PDIA4: variants seen among roughly 807,000 people sequenced by gnomAD.
PDIA4 encodes protein disulfide isomerase family A member 4, also known as protein disulfide-isomerase A4.
PDIA4 carries 33 observed loss-of-function variants against 62.1 expected under a neutral mutation model. That is an observed-to-expected ratio of 0.53 (90% CI 0.40 to 0.71). The LOEUF (loss-of-function observed/expected upper bound fraction) is 0.71, where lower values mean the gene tolerates loss of function less well. Among genes scored for constraint, PDIA4 ranks in the 30% least tolerant of loss-of-function variants. PDIA4 has a pLI of 0.00. For missense variants in PDIA4, 804 were observed against 813.6 expected (o/e 0.99, Z 0.14); for synonymous variants, 341 against 324.1 (o/e 1.05, Z -0.56).
chr7:149,008,349 G>T, intron 6 of PDIA4, 39 bp from the exon 7 acceptor site: 1 of 1,587,996 alleles, frequency 6.3e-7, no homozygotes, highest in Non-Finnish European at 8.6e-7. Flanking sequence ...TTTGAAAATT[G>T]CCTAAATGTC....
At chr7:149,017,951 C>T (rs1283979181) in intron 3 of PDIA4, among the ~76,000 whole-genome samples, 4 of 152,108 alleles carry the variant, frequency 2.6e-5, no homozygotes, top group East Asian at 1.9e-4. Context: ...AATTATTGGG[C>T]GGGCGTGGTG....
chr7:149,012,081 G>A, intron 5 of PDIA4, 74 bp downstream of exon 5: 3 of 1,606,926 alleles, frequency 1.9e-6, no homozygotes, highest in Non-Finnish European at 2.6e-6. Flanking sequence ...CCAGCCCCCA[G>A]CACCTTCAAT....
intron 3 of PDIA4, among the ~76,000 whole-genome samples, chr7:149,015,247 T>A (rs144983274): frequency 6.6e-6 from 1 of 152,224 alleles, no homozygotes; most frequent in East Asian, 1.9e-4. Flanking sequence ...TCCCAACAAT[T>A]GTCCATCGCA....
chr7:149,011,903 T>G lies in PDIA4; in HGVS notation c.922A>C (p.Ile308Leu), dbSNP rs1823957564. The G allele has an allele frequency of 6.2e-7, 1 of 1,606,432 alleles. No homozygotes were observed. Among genetic ancestry groups the G allele is most frequent in the African/African-American group, 1.3e-5 (1 of 74,756 alleles). Reference sequence around the variant, plus strand: ...CTCTCCCCCTTAAAGACCCCGATGATGATGACATCGTCTCCATCCTTCAGG... The same window carrying G: ...CTCTCCCCCTTAAAGACCCCGATGAGGATGACATCGTCTCCATCCTTCAGG... Reference protein sequence around the residue: ...EFLKDGDDVIIIGVFKGESDP... With the variant: ...EFLKDGDDVILIGVFKGESDP... The change falls in exon 6 of 10, where the codon ATC (isoleucine) becomes CTC (leucine). Residue 308 changes from isoleucine to leucine, a missense_variant. By Grantham distance (5) the Ile-to-Leu change is conservative. Coordinates refer to ENST00000652332, the MANE Select transcript of PDIA4 (RefSeq NM_004911.5).
chr7:149,028,178 G>C, intron 1 of PDIA4, 143 bp downstream of exon 1: 1 of 629,882 alleles, frequency 1.6e-6, no homozygotes, highest in Non-Finnish European at 2.7e-6. Context: ...ACTCCGCCAA[G>C]TTTACCCCGG....
intron 1 of PDIA4, among the ~76,000 whole-genome samples, chr7:149,025,516 C>T (rs2129505939): frequency 6.6e-6 from 1 of 152,326 alleles, no homozygotes; most frequent in African/African-American, 2.4e-5. Flanking sequence ...AGGCACTGTG[C>T]TGGGCTCTTA....
intron 1 of PDIA4, among the ~76,000 whole-genome samples, chr7:149,027,307 G>C (rs1379632718): frequency 6.6e-6 from 1 of 152,104 alleles, no homozygotes; most frequent in African/African-American, 2.4e-5. Context: ...TGTTTTTCTC[G>C]CCGAGTGTGG....
chr7:149,008,025 C>T (rs565198601), intron 7 of PDIA4, 134 bp downstream of exon 7: 44 of 810,580 alleles, frequency 5.4e-5, no homozygotes, highest in South Asian at 4.5e-4. Context: ...GTGGGGAGAA[C>T]GGGCTGGAAA....
chr7:149,019,023 A>G lies in PDIA4; in HGVS notation c.444T>C (p.Ala148=). 6.2e-7 allele frequency: 1 copy of G among 1,613,558 alleles called. No individual in the cohort carries two copies. Among genetic ancestry groups the G allele is most frequent in the Non-Finnish European group, 8.5e-7 (1 of 1,179,868 alleles). ...PTIKILKKGQ[A]VDYEGSRTQE... ...GGGTTCTGGAGCCCTCGTAGTCTAC[A>G]GCCTGCCCCTTCTTAAGGATCTTGA... Residue 148 remains alanine (A), a synonymous_variant, in exon 3 of 10, where the codon GCT becomes GCC. Transcript: ENST00000652332.
At chr7:149,024,630 T>A (rs1165479766) in intron 1 of PDIA4, among the ~76,000 whole-genome samples, 1 of 151,586 alleles carries the variant, frequency 6.6e-6, no homozygotes, top group Non-Finnish European at 1.5e-5. Context: ...CTGGCCAACA[T>A]CGTGAAACCC....
intron 1 of PDIA4, among the ~76,000 whole-genome samples, chr7:149,024,814 TAAAAAAAAAAAA>T (rs539798193): frequency 2.2e-5 from 2 of 89,386 alleles, no homozygotes; most frequent in African/African-American, 5.2e-5. Context: ...GACTGTCATT[TAAAAAAAAAAAA>T]AAAAAAAAAA....
Position 149,004,017 on chromosome 7 carries a change from T to C in PDIA4, c.1715A>G (p.Tyr572Cys). 1 of 1,614,236 alleles carries C rather than the reference T, an allele frequency of 6.2e-7. No individual in the cohort carries two copies. Among genetic ancestry groups the C allele is most frequent in the Non-Finnish European group, 8.5e-7 (1 of 1,180,038 alleles). Residue 572 changes from tyrosine to cysteine, a missense_variant, in exon 10 of 10, where the codon TAC becomes TGC. Tyr to Cys is a radical substitution (Grantham distance 194). Coordinates refer to ENST00000652332, the MANE Select transcript of PDIA4 (RefSeq NM_004911.5). ...EPVYNSLAKKYKGQKGLVIAK... is the reference protein window; with the variant it reads ...EPVYNSLAKKCKGQKGLVIAK... ...GATGACCAGGCCCTTTTGGCCCTTGTACTTCTTGGCCAGGCTGTTGTACAC... is the reference window on the plus strand; with the variant it reads ...GATGACCAGGCCCTTTTGGCCCTTGCACTTCTTGGCCAGGCTGTTGTACAC...
chr7:149,008,288 G>A lies in PDIA4; in HGVS notation c.1002C>T (p.Tyr334=), dbSNP rs151131785. The change falls in exon 7 of 10, where the codon TAC becomes TAT. Residue 334 remains tyrosine (Y), a synonymous_variant. Transcript: ENST00000652332. ...QDAANNLRED[Y]KFHHTFSTEI... ...CTGTGCTGAAAGTGTGGTGAAATTT[G>A]TAATCTTCTCTCAGGTTGTTAGCTG... is the stretch of plus-strand genomic sequence containing the variant. 396 of 1,613,776 alleles carry A rather than the reference G, an allele frequency of 2.5e-4. No individual in the cohort carries two copies. Among genetic ancestry groups the A allele is most frequent in the Non-Finnish European group, 3.1e-4 (367 of 1,179,884 alleles).
intron 3 of PDIA4, among the ~76,000 whole-genome samples, chr7:149,016,661 GC>G (rs1824149917): frequency 6.6e-6 from 1 of 151,998 alleles, no homozygotes; most frequent in Admixed American, 6.6e-5. Context: ...CCAGCCACCT[GC>G]CACCACATCC....
chr7:149,028,242 G>A (rs111600502), intron 1 of PDIA4, 79 bp downstream of exon 1: 1 of 1,067,302 alleles, frequency 9.4e-7, no homozygotes, highest in Non-Finnish European at 1.3e-6. Context: ...CCGCCCGCCG[G>A]GGTCGCAGGG....
In PDIA4 at chr7:149,003,554, C is replaced by T. The variant is rs1585408579; in HGVS notation, c.*240G>A. On this transcript the variant is annotated 3_prime_UTR_variant, in exon 10 of 10. Coordinates refer to ENST00000652332, the MANE Select transcript of PDIA4 (RefSeq NM_004911.5). ...TTAGAAGGTGTAAAAAAAAATTTTT[C>T]AAACCCCAAATAATGATAAAAATAG... 3 of 371,930 alleles carry T rather than the reference C, an allele frequency of 8.1e-6. No individual in the cohort carries two copies. The East Asian group carries it at 1.2e-4, about 15-fold the overall frequency. The allele number at this position is 371,930 out of a possible 1,614,324, so 23.0% of individuals were successfully genotyped here.
At position 149,021,221 on chromosome 7, in the gene PDIA4, T is replaced by C. The variant is rs146720841; in HGVS notation, c.89-74A>G. ...TTAAAACTTTCCTGGCCGGGCGCGG[T>C]GGCTCACACTTGTAATCCCAGCACT... On this transcript the variant is annotated intron_variant, in intron 1 of 9. Coordinates refer to ENST00000652332, the MANE Select transcript of PDIA4 (RefSeq NM_004911.5). 1.2e-3 allele frequency: 1,764 copies of C among 1,471,022 alleles called. 14 individuals carry two copies. In the African/African-American group the frequency reaches 0.022, roughly 19 times the overall value. 91.1% of individuals were successfully genotyped at this position (1,471,022 alleles called of 1,614,324 possible). A position where few individuals can be genotyped will look rare whatever the true frequency, so the allele number is the denominator to read the frequency against.
chr7:149,005,479 T>A, intron 8 of PDIA4, 105 bp from the exon 9 acceptor site: 1 of 736,712 alleles, frequency 1.4e-6, no homozygotes. Flanking sequence ...CTGACAATGC[T>A]CAAACCCTGG....
Position 149,011,984 on chromosome 7 carries a change from C to T in PDIA4, c.841G>A (p.Glu281Lys), listed in dbSNP as rs779279777. The T allele has an allele frequency of 1.3e-5, 20 of 1,596,810 alleles. No homozygotes were observed. The highest frequency in any genetic ancestry group is 1.6e-5 in the Non-Finnish European group (19 of 1,170,910). ...EKYGIVDYMI[E>K]QSGPPSKEIL... ...TCCTTGGAGGGAGGCCCGGACTGCT[C>T]GATCATGTAATCAACGATTCCTGGG... The change falls in exon 6 of 10, where the codon GAG (glutamate) becomes AAG (lysine). Residue 281 changes from glutamate (E) to lysine (K), a missense_variant. Physicochemically the swap from Glu to Lys is moderately conservative, Grantham distance 56 (BLOSUM62 1). Coordinates refer to ENST00000652332, the MANE Select transcript of PDIA4 (RefSeq NM_004911.5).
Sources: gnomAD v4.1 joint callset for allele counts (sites outside exome capture counted in the v4.1 genomes callset) on GRCh38, gnomAD v4.1.1 for gene constraint, MANE v1.5 for transcripts, NCBI Gene and HGNC (gene_info 2026-07-23, HGNC 2026-07-21) for gene names.